The following KNSTRN variants were observed in gnomAD, a reference collection of about 807,000 sequenced individuals.
The protein encoded by KNSTRN is small kinetochore-associated protein.
In KNSTRN, 38 loss-of-function variants were observed where a neutral mutation model predicts 44.7. That is an observed-to-expected ratio of 0.85 (90% CI 0.66 to 1.11). The LOEUF is 1.11. Ranked by LOEUF, KNSTRN falls within the 50% of genes most tolerant of loss-of-function variation. KNSTRN has a pLI of 0.00. For missense variants in KNSTRN, 406 were observed against 375.8 expected (o/e 1.08, Z -0.66); for synonymous variants, 158 against 148.1 (o/e 1.07, Z -0.48).
Position 40,382,798 on chromosome 15 carries a change from G to T in KNSTRN, c.-38G>T. ...CTGGGGGCTCCAACACCTTTCGCTAGGTCTGGCTCTGGCCTCTGAGCGAAC... is the reference window on the plus strand; with the variant it reads ...CTGGGGGCTCCAACACCTTTCGCTATGTCTGGCTCTGGCCTCTGAGCGAAC... On this transcript the variant is annotated 5_prime_UTR_variant, in exon 1 of 9. In the 5' UTR this introduces an upstream ATG that the reference lacks. Coordinates refer to ENST00000249776, the MANE Select transcript of KNSTRN (RefSeq NM_033286.4). 6.3e-7 allele frequency: 1 copy of T among 1,581,936 alleles called. No individual in the cohort carries two copies. The highest frequency in any genetic ancestry group is 1.1e-5 in the South Asian group (1 of 88,572).
At position 40,394,156 on chromosome 15, in the gene KNSTRN, C is replaced by T. The variant is rs1890050026; in HGVS notation, c.*559C>T. ...GGGGTGAAAGTATAGGTAGCAGTAACACCTACATGAAACAATACACCTTGG... is the reference window on the plus strand; with the variant it reads ...GGGGTGAAAGTATAGGTAGCAGTAATACCTACATGAAACAATACACCTTGG... On this transcript the variant is annotated 3_prime_UTR_variant, in exon 9 of 9. Coordinates refer to ENST00000249776, the MANE Select transcript of KNSTRN (RefSeq NM_033286.4). 1 of 152,262 alleles carries T rather than the reference C, an allele frequency of 6.6e-6. No homozygotes were observed. The highest frequency in any genetic ancestry group is 2.4e-5 in the African/African-American group (1 of 41,446). 9.4% of individuals were successfully genotyped at this position (152,262 alleles called of 1,614,324 possible).
Position 40,387,139 on chromosome 15 carries a change from C to A in KNSTRN, c.438-20C>A, listed in dbSNP as rs1889916475. 1 of 1,594,808 alleles carries A rather than the reference C, an allele frequency of 6.3e-7. No individual in the cohort carries two copies. The highest frequency in any genetic ancestry group is 8.6e-7 in the Non-Finnish European group (1 of 1,162,844). On this transcript the variant is annotated intron_variant, in intron 3 of 8. Coordinates refer to ENST00000249776, the MANE Select transcript of KNSTRN (RefSeq NM_033286.4). Reference sequence around the variant, plus strand: ...AGTACTGTAAGTCTCTGATTCATTTCTTTGTTTCTGCCCTCCTAGGCAAAT... The same window carrying A: ...AGTACTGTAAGTCTCTGATTCATTTATTTGTTTCTGCCCTCCTAGGCAAAT...
At chr15:40,390,734 C>T (rs1211724132) in intron 6 of KNSTRN, among the ~76,000 whole-genome samples, 2 of 151,958 alleles carry the variant, frequency 1.3e-5, no homozygotes, top group East Asian at 3.9e-4. Context: ...CCTGCCTCAG[C>T]CTCCTGAGTA....
intron 2 of KNSTRN, chr15:40,383,934 G>T (rs184737076): frequency 4.3e-4 from 66 of 153,684 alleles, no homozygotes; most frequent in South Asian, 9.8e-4. Context: ...CATGGGGTCT[G>T]CAGTCGGGGA....
chr15:40,384,310 C>G (rs928186019), intron 2 of KNSTRN: 3 of 330,052 alleles, frequency 9.1e-6, no homozygotes, highest in Non-Finnish European at 1.8e-5. Flanking sequence ...GGAGGCGGAG[C>G]TTGCAGTGAG....
At chr15:40,389,454 GC>G (rs1566923173) in intron 4 of KNSTRN, 51 bp from the exon 5 acceptor site, 1 of 1,375,490 alleles carries the variant, frequency 7.3e-7, no homozygotes, top group Admixed American at 1.7e-5. Context: ...CCTGGTGTGG[GC>G]CATACTGTTA....
intron 7 of KNSTRN, 40 bp downstream of exon 7, chr15:40,391,594 C>T: frequency 6.7e-7 from 1 of 1,490,850 alleles, no homozygotes; most frequent in Middle Eastern, 1.7e-4. Flanking sequence ...GGCTGAGTGA[C>T]TGTGGGGCTC....
chr15:40,393,253 A>G (rs1477077545), intron 8 of KNSTRN: 1 of 1,613,698 alleles, frequency 6.2e-7, no homozygotes, highest in Non-Finnish European at 8.5e-7. Context: ...GTTCCAGTTT[A>G]GATACAGGAG....
rs776705957 is a variant in KNSTRN at position 40,389,612 on chromosome 15, G to T, written c.591+1G>T. On this transcript the variant is annotated splice_donor_variant, in intron 5 of 8. Transcript: ENST00000249776. LOFTEE classifies it high-confidence loss of function. ...GCACCAGAAGTTGACTGAAACTCAG[G>T]TAAGAGACCCACCAGAGCTCTGTTA... 1.2e-6 allele frequency: 2 copies of T among 1,604,948 alleles called. No individual in the cohort carries two copies. Among genetic ancestry groups the T allele is most frequent in the East Asian group, 2.2e-5 (1 of 44,856 alleles).
chr15:40,384,229 C>A (rs1042715766), intron 2 of KNSTRN: 7 of 286,694 alleles, frequency 2.4e-5, no homozygotes, highest in Non-Finnish European at 4.9e-5. Flanking sequence ...AAAAACTTAG[C>A]CGGGCGTGGT....
At chr15:40,388,981 C>G (rs529644219) in intron 4 of KNSTRN, among the ~76,000 whole-genome samples, 1 of 152,146 alleles carries the variant, frequency 6.6e-6, no homozygotes, top group Non-Finnish European at 1.5e-5. Flanking sequence ...TGTTTTCTCT[C>G]TTATTACTCA....
rs193014697 is a variant in KNSTRN at position 40,391,132 on chromosome 15, G to A, written c.686-361G>A. 6.6e-5 allele frequency among the ~76,000 whole-genome samples: 10 copies of A among 152,130 alleles called. No homozygotes were observed. The East Asian group carries it at 1.2e-3, about 18-fold the overall frequency. On this transcript the variant is annotated intron_variant, in intron 6 of 8. Transcript: ENST00000249776. ...TTTATTACATGCATGTGATATTACC[G>A]AAAGTAATAATTTTTTAAGGCCTGA... is the stretch of plus-strand genomic sequence containing the variant.
chr15:40,390,304 C>T (rs779498175), intron 6 of KNSTRN, among the ~76,000 whole-genome samples: 1 of 152,212 alleles, frequency 6.6e-6, no homozygotes, highest in Non-Finnish European at 1.5e-5. Flanking sequence ...TTTGTTTGAA[C>T]ATGCTCTTCC....
chr15:40,386,615 G>T (rs1414993785), intron 3 of KNSTRN, 121 bp downstream of exon 3: 1 of 997,830 alleles, frequency 1.0e-6, no homozygotes, highest in Non-Finnish European at 1.5e-6. Flanking sequence ...TCAATCAGTG[G>T]CCCAGAGCAG....
At position 40,382,934 on chromosome 15, in the gene KNSTRN, G is replaced by A. The variant is rs370933137; in HGVS notation, c.99G>A (p.Lys33=). ...DSHPLPPSYR[K]FLFETQAADL... is the part of the protein sequence containing the mutation. ...ACCCACTTCCGCCTAGCTACCGGAA[G>A]TTTCTATTTGAAACCCAGGCGGCCG... is the stretch of plus-strand genomic sequence containing the variant. The change falls in exon 1 of 9, where the codon AAG becomes AAA. Residue 33 remains lysine (K), a synonymous_variant. Transcript: ENST00000249776. 3.8e-5 allele frequency: 62 copies of A among 1,612,324 alleles called. 1 individual carries two copies. The African/African-American group carries it at 7.9e-4, about 20-fold the overall frequency.
In KNSTRN at chr15:40,382,865, C is replaced by T. The variant is rs988271275; in HGVS notation, c.30C>T (p.Asp10=). The T allele has an allele frequency of 3.1e-6, 5 of 1,612,012 alleles. No individual in the cohort carries two copies. The African/African-American group carries it at 5.3e-5, about 17-fold the overall frequency. Residue 10 remains aspartate, a synonymous_variant, in exon 1 of 9, where the codon GAC becomes GAT. Coordinates refer to ENST00000249776, the MANE Select transcript of KNSTRN (RefSeq NM_033286.4). MAAPEAPPL[D]RVFRTTWLST... ...CGGCTCCCGAAGCCCCGCCCCTGGA[C>T]AGAGTTTTCCGTACAACATGGCTGT... is the stretch of plus-strand genomic sequence containing the variant.
intron 8 of KNSTRN, 78 bp downstream of exon 8, chr15:40,392,101 T>C: frequency 3.5e-6 from 3 of 853,244 alleles, no homozygotes; most frequent in Non-Finnish European, 3.5e-6. Flanking sequence ...GTTTTTCTAT[T>C]TATTTTTAAT....
intron 8 of KNSTRN, chr15:40,393,110 T>C: frequency 7.0e-6 from 10 of 1,422,184 alleles, no homozygotes; most frequent in Non-Finnish European, 9.9e-6. Context: ...TTGAGAACTA[T>C]ATGTAATCCA....
rs1890043200 is a variant in KNSTRN, at chr15:40,393,709, A to G, written c.*112A>G. 4 of 969,800 alleles carry G rather than the reference A, an allele frequency of 4.1e-6. No individual in the cohort carries two copies. Among genetic ancestry groups the G allele is most frequent in the Non-Finnish European group, 6.1e-6 (4 of 653,270 alleles). 60.1% of individuals were successfully genotyped at this position (969,800 alleles called of 1,614,324 possible). ...GGGACTCACCATCTCCAGAATGAAA[A>G]CAATTTCTACAGTAGACTTAAGGAC... On this transcript the variant is annotated 3_prime_UTR_variant, in exon 9 of 9. Coordinates refer to ENST00000249776, the MANE Select transcript of KNSTRN (RefSeq NM_033286.4).
Sources: allele counts gnomAD v4.1 joint callset (sites outside exome capture counted in the v4.1 genomes callset), GRCh38; gene constraint gnomAD v4.1.1; transcripts MANE v1.5; gene names NCBI Gene and HGNC (gene_info 2026-07-23, HGNC 2026-07-21).